Variants in SYN3 observed in about 807,000 individuals in gnomAD.
The protein encoded by SYN3 is synapsin III.
A neutral mutation model predicts 65.8 loss-of-function variants in SYN3; 35 were observed. The ratio of observed to expected loss-of-function variants is 0.53; its 90% CI spans 0.41 to 0.70. The LOEUF (loss-of-function observed/expected upper bound fraction) is 0.70, where lower values mean the gene tolerates loss of function less well. SYN3 is among the 30% of genes least tolerant of loss of function. The pLI is 0.00. For missense variants in SYN3, 680 were observed against 749.0 expected, an observed-to-expected ratio of 0.91 and a Z score of 1.08; for synonymous variants, 270 against 292.9, an observed-to-expected ratio of 0.92 and a Z score of 0.80.
Position 32,695,073 on chromosome 22 carries a change from T to C in SYN3, c.712-98337A>G, listed in dbSNP as rs903090963. On this transcript the variant is annotated intron_variant, in intron 6 of 13. Coordinates refer to ENST00000358763, the MANE Select transcript of SYN3 (RefSeq NM_003490.4). Reference sequence around the variant, plus strand: ...TATATTAAGACCACTTTTAATTCTGTAGAGGCATTTCTTTAGTTCAGAAAA... The same window carrying C: ...TATATTAAGACCACTTTTAATTCTGCAGAGGCATTTCTTTAGTTCAGAAAA... 5.3e-5 allele frequency among the ~76,000 whole-genome samples: 8 copies of C among 152,254 alleles called. No individual in the cohort carries two copies. In the East Asian group the frequency reaches 1.5e-3, roughly 29 times the overall value.
chr22:32,838,072 T>C (rs1393075696), intron 6 of SYN3, among the ~76,000 whole-genome samples: 1 of 152,190 alleles, frequency 6.6e-6, no homozygotes. Context: ...CCCTGGACTA[T>C]AACTCCCTGT....
At chr22:32,893,903 C>T (rs1309490507) in intron 4 of SYN3, among the ~76,000 whole-genome samples, 1 of 152,144 alleles carries the variant, frequency 6.6e-6, no homozygotes, top group African/African-American at 2.4e-5. Flanking sequence ...ATTTGTTTCA[C>T]AACTTGGTTT....
rs116498275 is a variant in SYN3, at chr22:32,542,505, T to G, written c.775-792A>C. On this transcript the variant is annotated intron_variant, in intron 7 of 13. Transcript: ENST00000358763. ...TGCTGTGTGTGCTGTGAGTTGTACA[T>G]GTGGTGTGTAGTATGCGGTGCTTCT... Among the ~76,000 whole-genome samples the G allele has an allele frequency of 7.1e-3, 1,075 of 151,588 alleles. 11 individuals carry two copies. The highest frequency in any genetic ancestry group is 0.023 in the African/African-American group (967 of 41,300).
At chr22:32,859,121 C>T (rs762558921) in intron 6 of SYN3, 14 of 1,587,898 alleles carry the variant, frequency 8.8e-6, no homozygotes, top group Middle Eastern at 1.7e-4. Flanking sequence ...GCTCGGTAGC[C>T]TCAGGCCTGG....
chr22:32,882,874 ACTT>A (rs1365445458), intron 4 of SYN3, among the ~76,000 whole-genome samples: 1 of 151,948 alleles, frequency 6.6e-6, no homozygotes, highest in African/African-American at 2.4e-5. Context: ...CGCTATTACC[ACTT>A]CTCCTCAGAA....
intron 4 of SYN3, among the ~76,000 whole-genome samples, chr22:32,884,854 C>T (rs888426855): frequency 3.3e-5 from 5 of 151,916 alleles, no homozygotes; most frequent in South Asian, 4.2e-4. Flanking sequence ...TCCAGCCTGG[C>T]GACAGAGCGA....
At chr22:32,527,019 AAGTT>A (rs764218995) in intron 12 of SYN3, among the ~76,000 whole-genome samples, 30 of 152,298 alleles carry the variant, frequency 2.0e-4, no homozygotes, top group Non-Finnish European at 4.0e-4. Context: ...TTCTTTGAGA[AAGTT>A]AGTTAGCCAT....
At chr22:32,708,345 C>T (rs1243928826) in intron 6 of SYN3, among the ~76,000 whole-genome samples, 3 of 152,186 alleles carry the variant, frequency 2.0e-5, no homozygotes, top group East Asian at 3.9e-4. Flanking sequence ...AATGCAGCCC[C>T]TTCTTGCCTG....
intron 6 of SYN3, among the ~76,000 whole-genome samples, chr22:32,649,043 CCT>C (rs1378637259): frequency 6.6e-6 from 1 of 152,206 alleles, no homozygotes; most frequent in African/African-American, 2.4e-5. Context: ...ATTCTTCACC[CCT>C]CTCTGTATCA....
chr22:32,997,242 T>C (rs2052907733), intron 2 of SYN3, among the ~76,000 whole-genome samples: 1 of 152,148 alleles, frequency 6.6e-6, no homozygotes, highest in South Asian at 2.1e-4. Flanking sequence ...GAGAGCTAAA[T>C]TAGAGAATCT....
At chr22:32,582,586 C>T (rs1304491766) in intron 7 of SYN3, among the ~76,000 whole-genome samples, 1 of 151,998 alleles carries the variant, frequency 6.6e-6, no homozygotes, top group Non-Finnish European at 1.5e-5. Flanking sequence ...CACCATGCTG[C>T]TTAGGTTGGT....
intron 6 of SYN3, among the ~76,000 whole-genome samples, chr22:32,807,415 CAT>C (rs2046793826): frequency 1.9e-5 from 2 of 103,186 alleles, no homozygotes; most frequent in South Asian, 2.7e-4. Context: ...ATTATATTTA[CAT>C]ATATATTATA....
intron 3 of SYN3, among the ~76,000 whole-genome samples, chr22:32,956,130 A>C (rs2051453986): frequency 7.6e-6 from 1 of 131,352 alleles, no homozygotes; most frequent in Non-Finnish European, 1.6e-5. Context: ...TGTTATACAG[A>C]ACCTGTCCCC....
At chr22:33,023,311 G>T (rs1357195744) in intron 1 of SYN3, among the ~76,000 whole-genome samples, 1 of 152,166 alleles carries the variant, frequency 6.6e-6, no homozygotes, top group African/African-American at 2.4e-5. Context: ...TGTTCTTGTG[G>T]TAGTGAATAA....
At chr22:32,573,561 G>T (rs1326681030) in intron 7 of SYN3, among the ~76,000 whole-genome samples, 1 of 152,016 alleles carries the variant, frequency 6.6e-6, no homozygotes, top group Non-Finnish European at 1.5e-5. Context: ...AAAAGTTATT[G>T]AATAAAATTA....
intron 4 of SYN3, among the ~76,000 whole-genome samples, chr22:32,907,579 C>T (rs775709515): frequency 9.9e-5 from 15 of 151,906 alleles, no homozygotes; most frequent in Non-Finnish European, 1.9e-4. Context: ...AGTAGGGAGC[C>T]AAAAAATTCA....
At chr22:32,817,494 A>C (rs190495320) in intron 6 of SYN3, among the ~76,000 whole-genome samples, 87 of 152,248 alleles carry the variant, frequency 5.7e-4, no homozygotes, top group African/African-American at 1.9e-3. Context: ...AGGGAAGAAG[A>C]AATTAGGAAG....
At chr22:32,720,544 C>G (rs1255278171) in intron 6 of SYN3, among the ~76,000 whole-genome samples, 1 of 152,212 alleles carries the variant, frequency 6.6e-6, no homozygotes, top group African/African-American at 2.4e-5. Context: ...TTGGCTGAAC[C>G]AAGGCTAGAA....
intron 6 of SYN3, among the ~76,000 whole-genome samples, chr22:32,631,823 G>A (rs746661292): frequency 4.6e-5 from 7 of 152,262 alleles, no homozygotes; most frequent in East Asian, 1.9e-4. Flanking sequence ...AGCAACAAGC[G>A]GTGATGTATT....
Sources: allele counts gnomAD v4.1 joint callset (sites outside exome capture counted in the v4.1 genomes callset), GRCh38; gene constraint gnomAD v4.1.1; transcripts MANE v1.5; gene names NCBI Gene and HGNC (gene_info 2026-07-23, HGNC 2026-07-21).